The following TENM2 variants were observed in gnomAD, a reference collection of about 807,000 sequenced individuals.
TENM2 encodes the protein teneurin transmembrane protein 2, also known as teneurin-2.
In TENM2, 52 loss-of-function variants were observed where a neutral mutation model predicts 245.2. The ratio of observed to expected loss-of-function variants is 0.21; its 90% CI spans 0.17 to 0.27. TENM2 has a LOEUF of 0.27. TENM2 is among the 10% of genes least tolerant of loss of function. The pLI, the probability that TENM2 is intolerant of heterozygous loss-of-function variation, is 1.00. For synonymous variants in TENM2, 1,363 were observed against 1,438.9 expected, an observed-to-expected ratio of 0.95 and a Z score of 1.19; for missense variants, 3,046 against 3,666.8, an observed-to-expected ratio of 0.83 and a Z score of 4.37.
At chr5:167,262,392 T>G in the TENM2 span, among the ~76,000 whole-genome samples, 1 of 146,550 alleles carries the variant, frequency 6.8e-6, no homozygotes, top group South Asian at 2.2e-4. Context: ...CAAGATGGCT[T>G]TTTTTTTGGG....
intron 2 of TENM2, among the ~76,000 whole-genome samples, chr5:167,734,886 C>T (rs1174192897): frequency 1.3e-5 from 2 of 152,122 alleles, no homozygotes; most frequent in Admixed American, 1.3e-4. Flanking sequence ...CCACGCTCTA[C>T]ACATGCAATT....
At chr5:167,751,105 C>G (rs1761933599) in intron 2 of TENM2, among the ~76,000 whole-genome samples, 1 of 151,812 alleles carries the variant, frequency 6.6e-6, no homozygotes, top group Admixed American at 6.6e-5. Context: ...GACAGGGTTG[C>G]CAGGGTGGAG....
At chr5:166,991,265 T>C in the TENM2 span, among the ~76,000 whole-genome samples, 1 of 151,666 alleles carries the variant, frequency 6.6e-6, no homozygotes, top group Non-Finnish European at 1.5e-5. Context: ...GAAAAACTAA[T>C]GACAAATAGA....
At position 167,635,631 on chromosome 5, in the gene TENM2, GTCTTTTTTTT is replaced by G. The variant is rs1358311046; in HGVS notation, c.503-240353_503-240344del. ...AAGGAATCTGGCTATGATCAGTACA[GTCTTTTTTTT>G]TTTTTTTTTTTTTTTTTTTTTGAGA... On this transcript the variant is annotated intron_variant, in intron 2 of 28. Transcript: ENST00000518659. 4.4e-5 allele frequency among the ~76,000 whole-genome samples: 4 copies of G among 90,978 alleles called. No individual in the cohort carries two copies. In the South Asian group the frequency reaches 1.9e-3, roughly 44 times the overall value. 59.7% of individuals were successfully genotyped at this position (90,978 alleles called of 152,430 possible).
At chr5:168,093,332 C>T (rs937827002) in intron 8 of TENM2, among the ~76,000 whole-genome samples, 1 of 152,200 alleles carries the variant, frequency 6.6e-6, no homozygotes, top group African/African-American at 2.4e-5. Context: ...TGGACTGTAG[C>T]TCAAAGAGCA....
intron 3 of TENM2, among the ~76,000 whole-genome samples, chr5:167,949,926 A>G (rs576676687): frequency 2.0e-5 from 3 of 152,222 alleles, no homozygotes; most frequent in South Asian, 4.1e-4. Flanking sequence ...AAAATGAGCA[A>G]CAGTTAGGAG....
intron 2 of TENM2, among the ~76,000 whole-genome samples, chr5:167,729,432 G>A (rs1471198201): frequency 6.6e-6 from 1 of 152,110 alleles, no homozygotes; most frequent in Non-Finnish European, 1.5e-5. Flanking sequence ...TTATGTAAAT[G>A]TGCTAATTGC....
chr5:167,846,759 T>G (rs1583172323), intron 2 of TENM2, among the ~76,000 whole-genome samples: 1 of 152,216 alleles, frequency 6.6e-6, no homozygotes, highest in Non-Finnish European at 1.5e-5. Context: ...CCTCTTTGGA[T>G]TCTCCTTAAG....
intron 2 of TENM2, among the ~76,000 whole-genome samples, chr5:167,539,041 CTT>C (rs1772024606): frequency 6.6e-6 from 1 of 152,096 alleles, no homozygotes; most frequent in Non-Finnish European, 1.5e-5. Flanking sequence ...CCTTTGTCAA[CTT>C]GTGCTTAGCT....
the TENM2 span, among the ~76,000 whole-genome samples, chr5:167,107,233 G>A: frequency 1.3e-5 from 2 of 151,762 alleles, no homozygotes; most frequent in African/African-American, 4.8e-5. Context: ...TTGCACTCCC[G>A]TCTAGGCAAC....
the TENM2 span, among the ~76,000 whole-genome samples, chr5:167,277,382 A>G: frequency 6.6e-6 from 1 of 152,016 alleles, no homozygotes; most frequent in African/African-American, 2.4e-5. Flanking sequence ...GATTATTTAG[A>G]AGAGTGTTGT....
chr5:167,865,730 C>T (rs1299439673), intron 2 of TENM2, among the ~76,000 whole-genome samples: 1 of 152,130 alleles, frequency 6.6e-6, no homozygotes, highest in African/African-American at 2.4e-5. Context: ...CCAAGGAGCA[C>T]CAAGTGAAGT....
At chr5:167,349,277 G>A (rs1175807185) in intron 1 of TENM2, among the ~76,000 whole-genome samples, 1 of 152,084 alleles carries the variant, frequency 6.6e-6, no homozygotes, top group Non-Finnish European at 1.5e-5. Flanking sequence ...CCTCAGATGT[G>A]AGCTATAGTC....
chr5:167,647,652 G>C (rs1780056440), intron 2 of TENM2, among the ~76,000 whole-genome samples: 1 of 152,102 alleles, frequency 6.6e-6, no homozygotes, highest in South Asian at 2.1e-4. Context: ...ATGTTGCGAA[G>C]GGAAGGTGCT....
chr5:168,228,471 C>T (rs1318721941), intron 25 of TENM2, among the ~76,000 whole-genome samples: 1 of 139,958 alleles, frequency 7.1e-6, no homozygotes, highest in African/African-American at 3.0e-5. Flanking sequence ...TCTTTTCACA[C>T]TTGCTGTCTT....
At chr5:167,386,699 G>T (rs537687884) in intron 2 of TENM2, among the ~76,000 whole-genome samples, 1 of 152,248 alleles carries the variant, frequency 6.6e-6, no homozygotes, top group Non-Finnish European at 1.5e-5. Context: ...TAAGATGAGA[G>T]ATGAGGATCC....
chr5:167,063,520 C>T, the TENM2 span, among the ~76,000 whole-genome samples: 2 of 152,196 alleles, frequency 1.3e-5, no homozygotes, highest in South Asian at 2.1e-4. Context: ...AGTTTTATGT[C>T]TGCTATTAGG....
chr5:167,926,202 C>G (rs1777750510), intron 3 of TENM2, among the ~76,000 whole-genome samples: 1 of 151,816 alleles, frequency 6.6e-6, no homozygotes, highest in South Asian at 2.1e-4. Context: ...AAAGAAAGAC[C>G]CACGTAAAGA....
chr5:167,689,321 C>G (rs1407224135), intron 2 of TENM2, among the ~76,000 whole-genome samples: 3 of 152,164 alleles, frequency 2.0e-5, no homozygotes, highest in Non-Finnish European at 4.4e-5. Flanking sequence ...AGTTGCCCAT[C>G]CGAGCTTTTC....
Sources: allele counts gnomAD v4.1 joint callset (sites outside exome capture counted in the v4.1 genomes callset), GRCh38; gene constraint gnomAD v4.1.1; transcripts MANE v1.5; gene names NCBI Gene and HGNC (gene_info 2026-07-23, HGNC 2026-07-21).